Variants in CCDC3 observed in about 807,000 individuals in gnomAD.
CCDC3 encodes coiled-coil domain-containing protein 3.
In CCDC3, 24 loss-of-function variants were observed where a neutral mutation model predicts 21.4. That is an observed-to-expected ratio of 1.12 (90% CI 0.81 to 1.58). CCDC3 has a LOEUF of 1.58. Ranked by LOEUF, CCDC3 falls within the 40% of genes most tolerant of loss-of-function variation. The pLI, the probability that CCDC3 is intolerant of heterozygous loss-of-function variation, is 0.00. For missense variants in CCDC3, 425 were observed against 360.9 expected (o/e 1.18, Z -1.44); for synonymous variants, 186 against 166.0 (o/e 1.12, Z -0.93).
intron 3 of CCDC3, among the ~76,000 whole-genome samples, chr10:13,081,485 G>T (rs1239552804): frequency 6.6e-6 from 1 of 152,154 alleles, no homozygotes; most frequent in East Asian, 1.9e-4. Context: ...CATCATACCT[G>T]CGTCAAGAAA....
chr10:12,947,776 T>G (rs1024309820), intron 2 of CCDC3, among the ~76,000 whole-genome samples: 1 of 152,152 alleles, frequency 6.6e-6, no homozygotes, highest in Non-Finnish European at 1.5e-5. Flanking sequence ...AGAGATGAGT[T>G]AGAGGAGAGC....
intron 2 of CCDC3, among the ~76,000 whole-genome samples, chr10:12,938,013 CTGCAGTATAG>C (rs1328351103): frequency 1.3e-5 from 2 of 152,312 alleles, no homozygotes; most frequent in African/African-American, 4.8e-5. Context: ...CCCTGGAACT[CTGCAGTATAG>C]AAAAGAAGTC....
intron 2 of CCDC3, among the ~76,000 whole-genome samples, chr10:12,976,425 T>C (rs1835418811): frequency 6.6e-6 from 1 of 151,902 alleles, no homozygotes; most frequent in Non-Finnish European, 1.5e-5. Context: ...TGGAGAAAGG[T>C]GTGTGTATTG....
At chr10:13,086,488 G>A (rs981509224) in intron 3 of CCDC3, among the ~76,000 whole-genome samples, 32 of 152,078 alleles carry the variant, frequency 2.1e-4, no homozygotes, top group African/African-American at 7.0e-4. Context: ...ATGGAGTCTT[G>A]CTCTGTCACC....
At chr10:12,921,150 T>G (rs1180048063) in intron 2 of CCDC3, among the ~76,000 whole-genome samples, 10 of 152,234 alleles carry the variant, frequency 6.6e-5, no homozygotes. Context: ...CCTTCTCATC[T>G]TCTTCCATAA....
intron 2 of CCDC3, among the ~76,000 whole-genome samples, chr10:12,910,236 A>G (rs12268054): frequency 0.26 from 40,015 of 152,146 alleles, 6,939 homozygotes; most frequent in African/African-American, 0.49. Context: ...CTGTGGGTGC[A>G]ATTTAGCAAG....
chr10:12,987,145 CCT>C (rs1402277731), intron 2 of CCDC3, among the ~76,000 whole-genome samples: 1 of 152,186 alleles, frequency 6.6e-6, no homozygotes, highest in African/African-American at 2.4e-5. Flanking sequence ...ACATCCCTCC[CCT>C]GTCTAAATTC....
chr10:12,983,851 G>C lies in CCDC3; in HGVS notation c.549+14487C>G, dbSNP rs150037140. Reference sequence around the variant, plus strand: ...TCTCAGTACTTTGGGAGGCTGAGGTGGGCAGATCACTTGAGGTCAGGAGCT... The same window carrying C: ...TCTCAGTACTTTGGGAGGCTGAGGTCGGCAGATCACTTGAGGTCAGGAGCT... On this transcript the variant is annotated intron_variant, in intron 2 of 2. Transcript: ENST00000378825. Among the ~76,000 whole-genome samples the C allele has an allele frequency of 2.6e-3, 401 of 152,212 alleles. 10 individuals carry two copies. The East Asian group carries it at 0.069, about 26-fold the overall frequency.
At chr10:13,088,685 A>G (rs899535161) in intron 3 of CCDC3, among the ~76,000 whole-genome samples, 2 of 152,356 alleles carry the variant, frequency 1.3e-5, no homozygotes, top group Admixed American at 6.5e-5. Flanking sequence ...GTTAAGCAGC[A>G]TTAAGGAGAC....
At chr10:13,032,622 G>T (rs190990552) in intron 5 of CCDC3, among the ~76,000 whole-genome samples, 115 of 152,156 alleles carry the variant, frequency 7.6e-4, no homozygotes, top group Non-Finnish European at 1.3e-3. Flanking sequence ...CTCCTTAAGC[G>T]GATAAGCAAC....
chr10:12,920,687 G>T (rs74607308), intron 2 of CCDC3, among the ~76,000 whole-genome samples: 7 of 152,248 alleles, frequency 4.6e-5, no homozygotes, highest in Non-Finnish European at 8.8e-5. Flanking sequence ...TTTTGAACAC[G>T]TATCTTATTA....
At chr10:12,905,046 G>T (rs1277207858) in intron 2 of CCDC3, among the ~76,000 whole-genome samples, 1 of 151,080 alleles carries the variant, frequency 6.6e-6, no homozygotes, top group Non-Finnish European at 1.5e-5. Context: ...CACGTATAAA[G>T]ACAAGACAAA....
exon 5 of CCDC3, chr10:13,049,674 GT>G (rs1836577582): frequency 1.3e-5 from 2 of 152,184 alleles, no homozygotes; most frequent in Non-Finnish European, 2.9e-5. Context: ...GCTTACTTAC[GT>G]TTAAAGGGGA....
chr10:12,968,202 TACACACACAC>T (rs71386134), intron 2 of CCDC3, among the ~76,000 whole-genome samples: 1 of 143,488 alleles, frequency 7.0e-6, no homozygotes, highest in Admixed American at 7.1e-5. Context: ...CACACACACA[TACACACACAC>T]ACACACACAC....
intron 4 of CCDC3, among the ~76,000 whole-genome samples, chr10:13,065,788 A>C (rs1836813916): frequency 6.6e-6 from 1 of 152,218 alleles, no homozygotes; most frequent in Non-Finnish European, 1.5e-5. Flanking sequence ...TGATGCTGTC[A>C]ATCATACATC....
intron 2 of CCDC3, among the ~76,000 whole-genome samples, chr10:12,938,894 T>C (rs1348982609): frequency 3.9e-5 from 6 of 152,216 alleles, no homozygotes; most frequent in Non-Finnish European, 5.9e-5. Context: ...ATCCATAACC[T>C]CACCTGCGTT....
At chr10:12,922,586 A>G (rs557764536) in intron 2 of CCDC3, among the ~76,000 whole-genome samples, 4 of 152,212 alleles carry the variant, frequency 2.6e-5, no homozygotes, top group Admixed American at 2.0e-4. Flanking sequence ...ATTCTATTCT[A>G]GAAGACAACC....
In CCDC3 at chr10:12,964,376, GA is replaced by G. The variant is rs34399404; in HGVS notation, c.549+33961del. Among the ~76,000 whole-genome samples the G allele has an allele frequency of 5.4e-5, 8 of 146,976 alleles. 1 individual carries two copies. In the South Asian group the frequency reaches 8.6e-4, roughly 16 times the overall value. Reference sequence around the variant, plus strand: ...AACAAGAGCAAAACTCCATCTTAAAGAAAAAAAAAAAGAGAGAGAATGACAT... The same window carrying G: ...AACAAGAGCAAAACTCCATCTTAAAGAAAAAAAAAAGAGAGAGAATGACAT... On this transcript the variant is annotated intron_variant, in intron 2 of 2. Transcript: ENST00000378825.
chr10:13,039,413 ACT>A (rs1297086781), intron 5 of CCDC3, among the ~76,000 whole-genome samples: 2 of 141,356 alleles, frequency 1.4e-5, no homozygotes, highest in African/African-American at 5.2e-5. Flanking sequence ...ACAGAACAAG[ACT>A]CTGTCTCAAA....
Sources: gnomAD v4.1 joint callset for allele counts (sites outside exome capture counted in the v4.1 genomes callset) on GRCh38, gnomAD v4.1.1 for gene constraint, MANE v1.5 for transcripts, NCBI Gene and HGNC (gene_info 2026-07-23, HGNC 2026-07-21) for gene names.